JMJD1C: variants seen among roughly 807,000 people sequenced by gnomAD.
The protein encoded by JMJD1C is jumonji domain containing 1C.
In JMJD1C, 31 loss-of-function variants were observed where a neutral mutation model predicts 245.3. That is an observed-to-expected ratio of 0.13 (90% CI 0.09 to 0.17). The LOEUF (loss-of-function observed/expected upper bound fraction) is 0.17, where lower values mean the gene tolerates loss of function less well. JMJD1C is among the 10% of genes least tolerant of loss of function. JMJD1C has a pLI of 1.00. For missense variants in JMJD1C, 2,691 were observed against 3,000.2 expected (o/e 0.90, Z 2.41); for synonymous variants, 1,057 against 1,017.4 (o/e 1.04, Z -0.74).
chr10:63,309,667 C>G (rs1056720572), intron 2 of JMJD1C, among the ~76,000 whole-genome samples: 2 of 151,986 alleles, frequency 1.3e-5, no homozygotes, highest in Non-Finnish European at 2.9e-5. Flanking sequence ...GCCTGTAATC[C>G]CAGCACTTTG....
intron 3 of JMJD1C, among the ~76,000 whole-genome samples, chr10:63,229,820 T>C (rs966185160): frequency 2.0e-5 from 3 of 152,254 alleles, no homozygotes; most frequent in Non-Finnish European, 4.4e-5. Context: ...ATTCGAGTTT[T>C]ATTTTTATTT....
intron 2 of JMJD1C, among the ~76,000 whole-genome samples, chr10:63,313,588 A>T (rs1939531524): frequency 6.6e-6 from 1 of 152,160 alleles, no homozygotes; most frequent in Non-Finnish European, 1.5e-5. Flanking sequence ...TTTCCATCAC[A>T]TCTGCACCAA....
chr10:63,352,639 A>C (rs1192361313), intron 2 of JMJD1C, among the ~76,000 whole-genome samples: 2 of 21,722 alleles, frequency 9.2e-5, no homozygotes, highest in South Asian at 2.5e-3. Context: ...CTCTGTCTCA[A>C]AAAAAAAAAA....
At chr10:63,499,331 A>C (rs1432339274) in intron 1 of JMJD1C, among the ~76,000 whole-genome samples, 1 of 152,246 alleles carries the variant, frequency 6.6e-6, no homozygotes, top group Non-Finnish European at 1.5e-5. Flanking sequence ...TTGCATTCCC[A>C]ACACCAGTAG....
At chr10:63,215,998 AT>A (rs1847937819) in intron 5 of JMJD1C, among the ~76,000 whole-genome samples, 1 of 152,218 alleles carries the variant, frequency 6.6e-6, no homozygotes, top group Non-Finnish European at 1.5e-5. Context: ...ATTACTTTTT[AT>A]TTTTAAATAG....
intron 3 of JMJD1C, among the ~76,000 whole-genome samples, chr10:63,251,360 T>A (rs770947004): frequency 1.3e-4 from 20 of 152,170 alleles, no homozygotes; most frequent in Non-Finnish European, 2.4e-4. Flanking sequence ...GCATTTATTT[T>A]AAAAATACCT....
intron 2 of JMJD1C, among the ~76,000 whole-genome samples, chr10:63,299,301 G>T (rs1437728402): frequency 2.0e-5 from 3 of 151,554 alleles, no homozygotes; most frequent in Non-Finnish European, 4.4e-5. Flanking sequence ...CGCCCCTCAA[G>T]ACTCCCAAGC....
Position 63,198,600 on chromosome 10 carries a change from A to G in JMJD1C, c.5404T>C (p.Ser1802Pro). 1 of 1,606,158 alleles carries G rather than the reference A, an allele frequency of 6.2e-7. No homozygotes were observed. Among genetic ancestry groups the G allele is most frequent in the East Asian group, 2.2e-5 (1 of 44,674 alleles). ...FEDDELDIET[S>P]KYILDIIGDK... is the part of the protein sequence containing the mutation. ...CCTATTATATCCAAGATATATTTAGAAGTCTCTATATCTAGTTCATCATCT... is the reference window on the plus strand; with the variant it reads ...CCTATTATATCCAAGATATATTTAGGAGTCTCTATATCTAGTTCATCATCT... The change falls in exon 12 of 26, where the codon TCT becomes CCT. Residue 1802 changes from serine to proline, a missense_variant. Ser to Pro is a moderately conservative substitution (Grantham distance 74). This residue lies in a region of JMJD1C where 139 missense variants were observed against 270.5 expected (regional missense o/e 0.51). Coordinates refer to ENST00000399262, the MANE Select transcript of JMJD1C (RefSeq NM_032776.3).
intron 1 of JMJD1C, among the ~76,000 whole-genome samples, chr10:63,511,217 G>T (rs377552010): frequency 8.5e-5 from 13 of 152,126 alleles, no homozygotes; most frequent in Non-Finnish European, 1.5e-4. Context: ...ACAGGTTTCT[G>T]TGTGTGGCCC....
chr10:63,376,287 T>A (rs1393675747), intron 2 of JMJD1C, among the ~76,000 whole-genome samples: 2 of 152,156 alleles, frequency 1.3e-5, no homozygotes, highest in African/African-American at 4.8e-5. Flanking sequence ...AATCAATTAA[T>A]TCACCAAAAT....
upstream of JMJD1C, among the ~76,000 whole-genome samples, chr10:63,467,890 C>T (rs902129526): frequency 2.6e-5 from 4 of 152,080 alleles, no homozygotes; most frequent in Non-Finnish European, 4.4e-5. Context: ...TAGGAGCAAA[C>T]GAAAAATACA....
chr10:63,318,376 T>G (rs1357936237), intron 2 of JMJD1C, among the ~76,000 whole-genome samples: 1 of 152,170 alleles, frequency 6.6e-6, no homozygotes, highest in South Asian at 2.1e-4. Context: ...CACCATCCAG[T>G]GATTTCATTT....
intron 24 of JMJD1C, among the ~76,000 whole-genome samples, chr10:63,173,262 A>G (rs1198992332): frequency 2.0e-5 from 3 of 152,260 alleles, no homozygotes; most frequent in Non-Finnish European, 4.4e-5. Flanking sequence ...TGCACTACAT[A>G]CAAAGATGAA....
intron 1 of JMJD1C, among the ~76,000 whole-genome samples, chr10:63,521,102 C>T (rs573668591): frequency 1.4e-5 from 1 of 72,018 alleles, no homozygotes; most frequent in Non-Finnish European, 2.6e-5. Flanking sequence ...CAGCCTCCTG[C>T]CCCACTCTCG....
chr10:63,289,729 A>G (rs1017866416), intron 2 of JMJD1C, among the ~76,000 whole-genome samples: 1 of 152,184 alleles, frequency 6.6e-6, no homozygotes, highest in Non-Finnish European at 1.5e-5. Context: ...TTACTGGTTG[A>G]ATCTCATAAT....
At chr10:63,370,347 A>T (rs189951260) in intron 2 of JMJD1C, among the ~76,000 whole-genome samples, 67 of 152,308 alleles carry the variant, frequency 4.4e-4, no homozygotes, top group Admixed American at 2.4e-3. Flanking sequence ...CAAAGTGTAC[A>T]CCTATCTAAA....
intron 1 of JMJD1C, among the ~76,000 whole-genome samples, chr10:63,407,034 T>C (rs977800523): frequency 1.3e-5 from 2 of 152,082 alleles, no homozygotes; most frequent in African/African-American, 4.8e-5. Context: ...AGCCAAATAT[T>C]AGGGAAAGCT....
intron 19 of JMJD1C, among the ~76,000 whole-genome samples, 162 bp from the exon 20 acceptor site, chr10:63,185,815 T>C (rs1426695703): frequency 6.6e-6 from 1 of 152,256 alleles, no homozygotes; most frequent in Admixed American, 6.5e-5. Context: ...TATGTAGTAT[T>C]AAAACCTTTG....
chr10:63,353,609 A>AG (rs1334842733), intron 2 of JMJD1C, among the ~76,000 whole-genome samples: 1 of 151,834 alleles, frequency 6.6e-6, no homozygotes, highest in Non-Finnish European at 1.5e-5. Flanking sequence ...TCTTCCTCCC[A>AG]AGTTCAAGTG....
Sources: allele counts gnomAD v4.1 joint callset (sites outside exome capture counted in the v4.1 genomes callset), GRCh38; gene constraint gnomAD v4.1.1; regional missense constraint gnomAD v4.1.1; transcripts MANE v1.5; gene names NCBI Gene and HGNC (gene_info 2026-07-23, HGNC 2026-07-21).